The following UBP1 variants were observed in gnomAD, a reference collection of about 807,000 sequenced individuals.
UBP1 encodes the protein upstream-binding protein 1.
Under a neutral mutation model 76.1 loss-of-function variants are expected in UBP1, and 22 were observed. That is an observed-to-expected ratio of 0.29 (90% CI 0.21 to 0.41). The LOEUF (loss-of-function observed/expected upper bound fraction) is 0.41. Among genes scored for constraint, UBP1 ranks in the 10% least tolerant of loss-of-function variants. The probability of loss-of-function intolerance (pLI) is 1.00; values close to 1 mark genes in which losing one functional copy is unlikely to be tolerated. For synonymous variants in UBP1, 224 were observed against 237.1 expected (o/e 0.94, Z 0.51); for missense variants, 436 against 668.1 (o/e 0.65, Z 3.83).
At chr3:33,398,941 A>G (rs1559670619) in intron 11 of UBP1, among the ~76,000 whole-genome samples, 1 of 152,254 alleles carries the variant, frequency 6.6e-6, no homozygotes, top group Non-Finnish European at 1.5e-5. Context: ...TGTAGTCCCC[A>G]GCTAGCAAAT....
At chr3:33,408,896 A>G (rs1490372613) in intron 7 of UBP1, 99 bp from the exon 8 acceptor site, 2 of 1,101,180 alleles carry the variant, frequency 1.8e-6, no homozygotes, top group African/African-American at 1.6e-5. Context: ...AAACAAATGC[A>G]TGACTAACAG....
chr3:33,426,001 ATATATATATATATATATATATAT>A (rs1559690466), intron 1 of UBP1, among the ~76,000 whole-genome samples: 1 of 49,536 alleles, frequency 2.0e-5, no homozygotes, highest in African/African-American at 7.6e-5. Context: ...CTCTGAATAT[ATATATATATATATATATATATAT>A]ATATATATAT....
chr3:33,392,990 T>C lies in UBP1; in HGVS notation c.1533+322A>G, dbSNP rs973047213. 1.6e-5 allele frequency: 5 copies of C among 321,492 alleles called. 1 individual carries two copies. The highest frequency in any genetic ancestry group is 2.8e-5 in the Non-Finnish European group (5 of 178,946). The allele number at this position is 321,492 out of a possible 1,614,324, so 19.9% of individuals were successfully genotyped here. A position where few individuals can be genotyped will look rare whatever the true frequency, so the allele number is the denominator to read the frequency against. On this transcript the variant is annotated intron_variant, in intron 14 of 15. Coordinates refer to ENST00000283629, the MANE Select transcript of UBP1 (RefSeq NM_014517.5). ...TTTTTTTAAATTAGTCATCAAATAA[T>C]AGACAAAAGGAAAACACATCCAGTG...
intron 1 of UBP1, 106 bp downstream of exon 1, chr3:33,439,630 G>T: frequency 7.9e-7 from 1 of 1,267,616 alleles, no homozygotes; most frequent in Non-Finnish European, 1.1e-6. Context: ...CCGCAGCCCA[G>T]GAGGCCCGCG....
chr3:33,395,300 T>C (rs1032106317), intron 13 of UBP1, among the ~76,000 whole-genome samples: 3 of 152,050 alleles, frequency 2.0e-5, no homozygotes, highest in Non-Finnish European at 4.4e-5. Context: ...TTAGGGCAAA[T>C]AACTGCATCT....
In UBP1 at chr3:33,402,885, G is replaced by A. The variant is rs749015870; in HGVS notation, c.947C>T (p.Ala316Val). The A allele has an allele frequency of 3.1e-6, 5 of 1,609,912 alleles. No homozygotes were observed. The highest frequency in any genetic ancestry group is 4.2e-6 in the Non-Finnish European group (5 of 1,178,356). The stretch of plus-strand genomic sequence containing the variant: ...GCTGTTATTCACATAGGCTGTGGGG[G>A]CATCGGGCCACGGAGAACACTAAGG... ...KRGSCSPWPDAPTAYVNNSPS... is the reference protein window; with the variant it reads ...KRGSCSPWPDVPTAYVNNSPS... The change falls in exon 9 of 16, where the codon GCC (alanine) becomes GTC (valine). Residue 316 changes from alanine (A) to valine (V), a missense_variant. By Grantham distance (64) the Ala-to-Val change is moderately conservative (BLOSUM62 0). Coordinates refer to ENST00000283629, the MANE Select transcript of UBP1 (RefSeq NM_014517.5).
intron 1 of UBP1, among the ~76,000 whole-genome samples, chr3:33,433,057 C>CA (rs1169610029): frequency 2.0e-5 from 3 of 151,756 alleles, no homozygotes; most frequent in African/African-American, 4.8e-5. Context: ...CCAAAAAACT[C>CA]AGAGTTTTTT....
At chr3:33,440,634 C>T (rs1324576816), upstream of UBP1, 1 of 152,342 alleles carries the variant, frequency 6.6e-6, no homozygotes, top group Non-Finnish European at 1.5e-5. Flanking sequence ...AGTTTCCGCC[C>T]CTTCTAGCGA....
chr3:33,398,009 G>A (rs2044074906), intron 11 of UBP1: 1 of 152,236 alleles, frequency 6.6e-6, no homozygotes, highest in African/African-American at 2.4e-5. Context: ...CAGAAGGCAG[G>A]AGAGGAAATA....
At chr3:33,406,469 G>A (rs2044431092) in intron 8 of UBP1, among the ~76,000 whole-genome samples, 1 of 152,020 alleles carries the variant, frequency 6.6e-6, no homozygotes, top group Non-Finnish European at 1.5e-5. Context: ...TAACATACAT[G>A]TATAAATAAT....
Position 33,390,261 on chromosome 3 carries a change from T to A in UBP1, c.*70A>T. ...GGTAAAATCCAATCCCAAGACTTCT[T>A]GGATTCAGTCTTCACACACTTTTAA... On this transcript the variant is annotated 3_prime_UTR_variant, in exon 16 of 16. Transcript: ENST00000283629. 1 of 1,474,012 alleles carries A rather than the reference T, an allele frequency of 6.8e-7. No individual in the cohort carries two copies. Among genetic ancestry groups the A allele is most frequent in the Admixed American group, 1.8e-5 (1 of 54,328 alleles). The allele number at this position is 1,474,012 out of a possible 1,614,324, so 91.3% of individuals were successfully genotyped here. A position where few individuals can be genotyped will look rare whatever the true frequency, so the allele number is the denominator to read the frequency against.
At chr3:33,396,100 T>C in intron 13 of UBP1, 62 bp downstream of exon 13, 1 of 1,417,870 alleles carries the variant, frequency 7.1e-7, no homozygotes, top group Admixed American at 1.8e-5. Context: ...CTCAATCGAG[T>C]CCTTTCCGTT....
Position 33,425,653 on chromosome 3 carries a change from T to A in UBP1, c.202A>T (p.Met68Leu). 1 of 1,604,418 alleles carries A rather than the reference T, an allele frequency of 6.2e-7. No homozygotes were observed. Among genetic ancestry groups the A allele is most frequent in the Non-Finnish European group, 8.5e-7 (1 of 1,172,596 alleles). The change falls in exon 2 of 16, where the codon ATG (methionine) becomes TTG (leucine). Residue 68 changes from methionine to leucine, a missense_variant. By Grantham distance (15) the Met-to-Leu change is conservative. Transcript: ENST00000283629. The stretch of plus-strand genomic sequence containing the variant: ...ACTGCTGGTGACGTTGCAGCACACA[T>A]CACATACTGAAAGGGTGGGTGCTCT... ...ETEHPPFQYV[M>L]CAATSPAVKL...
In UBP1 at chr3:33,439,991, A is replaced by C. The variant is rs1197573130; in HGVS notation, c.-143T>G. 1.2e-6 allele frequency: 1 copy of C among 816,692 alleles called. No homozygotes were observed. Among genetic ancestry groups the C allele is most frequent in the Non-Finnish European group, 1.8e-6 (1 of 553,600 alleles). The allele number at this position is 816,692 out of a possible 1,614,324, so 50.6% of individuals were successfully genotyped here. ...GTGGTCACCAGCGGCGGCCGGGACGAGAGCTGCGGGGGCCCCACTGGCAGG... is the reference window on the plus strand; with the variant it reads ...GTGGTCACCAGCGGCGGCCGGGACGCGAGCTGCGGGGGCCCCACTGGCAGG... On this transcript the variant is annotated 5_prime_UTR_variant, in exon 1 of 16. Coordinates refer to ENST00000283629, the MANE Select transcript of UBP1 (RefSeq NM_014517.5).
At chr3:33,393,660 A>G (rs1382885134) in intron 13 of UBP1, among the ~76,000 whole-genome samples, 1 of 152,250 alleles carries the variant, frequency 6.6e-6, no homozygotes, top group Non-Finnish European at 1.5e-5. Flanking sequence ...AGAATACATT[A>G]TTTATATCCA....
chr3:33,430,827 T>G (rs1195350633), intron 1 of UBP1, among the ~76,000 whole-genome samples: 2 of 152,078 alleles, frequency 1.3e-5, no homozygotes, highest in African/African-American at 4.8e-5. Flanking sequence ...TAACATGGCC[T>G]CCTCCTCCAA....
Position 33,436,308 on chromosome 3 carries a change from T to C in UBP1, c.113+3428A>G, listed in dbSNP as rs547122922. Among the ~76,000 whole-genome samples the C allele has an allele frequency of 3.3e-5, 5 of 152,344 alleles. No homozygotes were observed. In the South Asian group the frequency reaches 1.0e-3, roughly 32 times the overall value. ...ATTTTTCAAGAATACATTGTATCAT[T>C]AACTACAGTAACCTTGTTGTACAAT... On this transcript the variant is annotated intron_variant, in intron 1 of 15. Transcript: ENST00000283629.
intron 8 of UBP1, among the ~76,000 whole-genome samples, chr3:33,405,176 AAAAT>A (rs1335816078): frequency 1.1e-4 from 17 of 152,310 alleles, no homozygotes; most frequent in East Asian, 3.9e-4. Flanking sequence ...ATAAAAAATA[AAAAT>A]AAATAAGAAA....
chr3:33,420,247 G>T (rs2044851847), intron 2 of UBP1, among the ~76,000 whole-genome samples: 1 of 152,186 alleles, frequency 6.6e-6, no homozygotes, highest in East Asian at 1.9e-4. Flanking sequence ...TAAGCAAAAA[G>T]AACTTTCTGA....
Sources: gnomAD v4.1 joint callset for allele counts (sites outside exome capture counted in the v4.1 genomes callset) on GRCh38, gnomAD v4.1.1 for gene constraint, MANE v1.5 for transcripts, NCBI Gene and HGNC (gene_info 2026-07-23, HGNC 2026-07-21) for gene names.